The following DIO2 variants were observed in gnomAD, a reference collection of about 807,000 sequenced individuals.
DIO2 encodes the protein type II iodothyronine deiodinase.
In DIO2, 19 loss-of-function variants were observed where a neutral mutation model predicts 21.4. That is an observed-to-expected ratio of 0.89 (90% CI 0.62 to 1.30). DIO2 has a LOEUF of 1.30. Ranked by LOEUF, DIO2 falls within the 50% of genes most tolerant of loss-of-function variation. The pLI is 0.00. For synonymous variants in DIO2, 122 were observed against 132.9 expected (o/e 0.92, Z 0.57); for missense variants, 302 against 338.1 (o/e 0.89, Z 0.84).
rs187612190 is a variant in DIO2 at position 80,220,981 on chromosome 14, G to A, written c.-277-4244C>T. ...TATTTCCATATTCAGAGTATAAGAA[G>A]TTCCTGCTGGGAAACAGTTAAATCC... On this transcript the variant is annotated intron_variant, in intron 2 of 4. Coordinates refer to the DIO2 transcript ENST00000553594. Among the ~76,000 whole-genome samples the A allele has an allele frequency of 3.7e-3, 558 of 152,240 alleles. 4 individuals carry two copies. The highest frequency in any genetic ancestry group is 8.3e-3 in the African/African-American group (343 of 41,544).
At chr14:80,223,413 G>C (rs1888506402) in intron 2 of DIO2, among the ~76,000 whole-genome samples, 1 of 152,084 alleles carries the variant, frequency 6.6e-6, no homozygotes, top group African/African-American at 2.4e-5. Context: ...GTAAAACTTT[G>C]GGCTGGAAAA....
chr14:80,198,288 A>T lies in DIO2; in HGVS notation c.*4401T>A, dbSNP rs1230384430. On this transcript the variant is annotated 3_prime_UTR_variant, in exon 2 of 2. Coordinates refer to ENST00000438257, the MANE Select transcript of DIO2 (RefSeq NM_013989.5). The stretch of plus-strand genomic sequence containing the variant: ...AGACGGGTAGCCAGCCCCGACTTGC[A>T]TGAGCAGTCTTGTTTGGATATCTGC... 6.5e-6 allele frequency: 1 copy of T among 152,694 alleles called. No individual in the cohort carries two copies. The allele number at this position is 152,694 out of a possible 1,614,324, so 9.5% of individuals were successfully genotyped here. A position where few individuals can be genotyped will look rare whatever the true frequency, so the allele number is the denominator to read the frequency against.
intron 2 of DIO2, among the ~76,000 whole-genome samples, chr14:80,227,639 G>T (rs960110225): frequency 1.3e-4 from 20 of 152,194 alleles, no homozygotes; most frequent in African/African-American, 4.8e-4. Context: ...CCTGCCAAAG[G>T]CTCCAAACAG....
Position 80,200,149 on chromosome 14 carries a change from C to T in DIO2, c.*2540G>A, listed in dbSNP as rs948153056. ...GATAACACCAAGACATTCTACATAGCGTAGGATTCCTGAGCTTTGTCCATT... is the reference window on the plus strand; with the variant it reads ...GATAACACCAAGACATTCTACATAGTGTAGGATTCCTGAGCTTTGTCCATT... On this transcript the variant is annotated 3_prime_UTR_variant, in exon 2 of 2. Transcript: ENST00000438257. The T allele has an allele frequency of 1.3e-5, 2 of 152,594 alleles. No individual in the cohort carries two copies. Among genetic ancestry groups the T allele is most frequent in the African/African-American group, 2.4e-5 (1 of 41,440 alleles). The allele number at this position is 152,594 out of a possible 1,614,324, so 9.5% of individuals were successfully genotyped here. A position where few individuals can be genotyped will look rare whatever the true frequency, so the allele number is the denominator to read the frequency against.
intron 1 of DIO2, among the ~76,000 whole-genome samples, chr14:80,207,241 A>T (rs1166806552): frequency 6.6e-6 from 1 of 152,192 alleles, no homozygotes; most frequent in African/African-American, 2.4e-5. Context: ...AACATATAGC[A>T]TATATAAAAA....
intron 1 of DIO2, among the ~76,000 whole-genome samples, chr14:80,210,656 A>T (rs560785669): frequency 1.3e-5 from 2 of 152,120 alleles, no homozygotes; most frequent in Non-Finnish European, 2.9e-5. Flanking sequence ...AAAGGGTTCA[A>T]ATTTGAATCA....
At chr14:80,224,886 C>T (rs186463528) in intron 2 of DIO2, among the ~76,000 whole-genome samples, 5 of 152,182 alleles carry the variant, frequency 3.3e-5, no homozygotes, top group South Asian at 2.1e-4. Flanking sequence ...TAAGTATTAA[C>T]TTACATGATC....
chr14:80,225,620 C>A (rs935608276), intron 2 of DIO2, among the ~76,000 whole-genome samples: 5 of 152,212 alleles, frequency 3.3e-5, no homozygotes, highest in Non-Finnish European at 2.9e-5. Context: ...TCTTCTACTG[C>A]CCATTCTGTA....
intron 2 of DIO2, among the ~76,000 whole-genome samples, chr14:80,229,557 C>G (rs1888644971): frequency 6.6e-6 from 1 of 152,158 alleles, no homozygotes; most frequent in South Asian, 2.1e-4. Context: ...ATAAGTAGGT[C>G]TGAAGTAACT....
intron 2 of DIO2, among the ~76,000 whole-genome samples, chr14:80,229,963 T>C (rs1253922709): frequency 6.6e-6 from 1 of 152,248 alleles, no homozygotes; most frequent in East Asian, 1.9e-4. Flanking sequence ...GCTAGGACTT[T>C]AGTTATAGGT....
At chr14:80,224,228 A>G (rs1210855272) in intron 2 of DIO2, among the ~76,000 whole-genome samples, 1 of 152,192 alleles carries the variant, frequency 6.6e-6, no homozygotes, top group African/African-American at 2.4e-5. Flanking sequence ...CAATCTTTGA[A>G]TTACAGAATT....
intron 2 of DIO2, among the ~76,000 whole-genome samples, chr14:80,224,932 G>T (rs1594883400): frequency 6.6e-6 from 1 of 152,292 alleles, no homozygotes; most frequent in East Asian, 1.9e-4. Context: ...CAAGCTTGAG[G>T]AGAAAAGAGA....
At chr14:80,205,766 A>G (rs779294368) in intron 1 of DIO2, 34 of 1,248,042 alleles carry the variant, frequency 2.7e-5, no homozygotes, top group Non-Finnish European at 3.5e-5. Context: ...AAGTTACCAA[A>G]TTCGTAATGC....
At chr14:80,231,008 G>T (rs890702823) in intron 2 of DIO2, 8 of 152,240 alleles carry the variant, frequency 5.3e-5, no homozygotes, top group African/African-American at 1.7e-4. Context: ...AGGGCAGGAA[G>T]CATCCAGCAC....
At position 80,211,168 on chromosome 14, in the gene DIO2, A is replaced by G. The variant is rs555911638; in HGVS notation, c.222+83T>C. The G allele has an allele frequency of 8.4e-5, 113 of 1,339,644 alleles. 1 individual carries two copies. The highest frequency in any genetic ancestry group is 4.6e-4 in the African/African-American group (32 of 69,466). The allele number at this position is 1,339,644 out of a possible 1,614,324, so 83.0% of individuals were successfully genotyped here. On this transcript the variant is annotated intron_variant, in intron 1 of 1. Transcript: ENST00000438257. The stretch of plus-strand genomic sequence containing the variant: ...ATAGGGCTTCACAGCTCTCCCCCCA[A>G]TGCTCCCAATGGCCTCTGGTCCCCA...
intron 2 of DIO2, among the ~76,000 whole-genome samples, chr14:80,218,901 C>A (rs1888408118): frequency 6.6e-6 from 1 of 152,110 alleles, no homozygotes; most frequent in South Asian, 2.1e-4. Context: ...TCGCTTGAAT[C>A]CAGGAGGCAG....
In DIO2 at chr14:80,200,931, A is replaced by C. The variant is rs954988680; in HGVS notation, c.*1758T>G. On this transcript the variant is annotated 3_prime_UTR_variant, in exon 2 of 2. Transcript: ENST00000438257. ...GTATTTTCAACTTTAGTTTTTTTCT[A>C]TCCATTTTATTTATTTTTTATTCAG... 1 of 152,024 alleles carries C rather than the reference A, an allele frequency of 6.6e-6. No individual in the cohort carries two copies. Among genetic ancestry groups the C allele is most frequent in the African/African-American group, 2.4e-5 (1 of 41,398 alleles). The allele number at this position is 152,024 out of a possible 1,614,324, so 9.4% of individuals were successfully genotyped here. A position where few individuals can be genotyped will look rare whatever the true frequency, so the allele number is the denominator to read the frequency against.
chr14:80,225,769 T>G (rs1029532139), intron 2 of DIO2, among the ~76,000 whole-genome samples: 3 of 152,246 alleles, frequency 2.0e-5, no homozygotes, highest in Admixed American at 2.0e-4. Flanking sequence ...CCATTGACCT[T>G]AATTGCAGGG....
intron 2 of DIO2, among the ~76,000 whole-genome samples, chr14:80,229,864 T>C (rs771568974): frequency 1.3e-5 from 2 of 152,114 alleles, no homozygotes; most frequent in Non-Finnish European, 1.5e-5. Flanking sequence ...CAGATTGCTG[T>C]TTATATAAAT....
Sources: gnomAD v4.1 joint callset for allele counts (sites outside exome capture counted in the v4.1 genomes callset) on GRCh38, gnomAD v4.1.1 for gene constraint, MANE v1.5 for transcripts, NCBI Gene and HGNC (gene_info 2026-07-23, HGNC 2026-07-21) for gene names.